FAM107B: variants seen among roughly 807,000 people sequenced by gnomAD.
The protein encoded by FAM107B is protein FAM107B.
A neutral mutation model predicts 31.5 loss-of-function variants in FAM107B; 21 were observed. The observed-to-expected ratio is 0.67, with a 90% CI of 0.47 to 0.96. FAM107B has a LOEUF of 0.96. Ranked by LOEUF, FAM107B falls within the 40% of genes least tolerant of loss-of-function variation. The pLI is 0.00. For synonymous variants in FAM107B, 157 were observed against 141.5 expected (o/e 1.11, Z -0.78); for missense variants, 452 against 377.1 (o/e 1.20, Z -1.64).
At chr10:14,595,716 G>C (rs1852168478) in intron 2 of FAM107B, among the ~76,000 whole-genome samples, 1 of 152,090 alleles carries the variant, frequency 6.6e-6, no homozygotes, top group Admixed American at 6.6e-5. Context: ...TAAGTCCAGA[G>C]GCTGATGTGA....
intron 2 of FAM107B, among the ~76,000 whole-genome samples, chr10:14,608,198 A>C (rs544998909): frequency 9.2e-5 from 14 of 152,336 alleles, no homozygotes; most frequent in African/African-American, 3.4e-4. Context: ...TCAAGGAGGG[A>C]AATTTGTTTT....
At chr10:14,768,378 C>A (rs756501755) in intron 1 of FAM107B, among the ~76,000 whole-genome samples, 2 of 152,194 alleles carry the variant, frequency 1.3e-5, no homozygotes, top group Non-Finnish European at 2.9e-5. Context: ...GGAAGTCTCA[C>A]ACTTTGAGAT....
chr10:14,671,903 ACCCTCTATTTCTTTTT>A (rs1564621073), intron 1 of FAM107B, among the ~76,000 whole-genome samples: 23 of 145,792 alleles, frequency 1.6e-4, no homozygotes, highest in African/African-American at 5.8e-4. Context: ...CAAAAAAAAA[ACCCTCTATTTCTTTTT>A]AAATCAAACT....
At chr10:14,588,543 T>C (rs763137432) in intron 2 of FAM107B, among the ~76,000 whole-genome samples, 4 of 152,104 alleles carry the variant, frequency 2.6e-5, no homozygotes, top group Non-Finnish European at 5.9e-5. Context: ...GTGGGTCCCA[T>C]AAACCCCCGG....
intron 2 of FAM107B, among the ~76,000 whole-genome samples, chr10:14,603,145 T>C (rs1403900812): frequency 1.3e-5 from 2 of 152,222 alleles, no homozygotes; most frequent in African/African-American, 4.8e-5. Flanking sequence ...ATTTTTTAAT[T>C]AATATATAAA....
At chr10:14,540,367 C>G (rs1848058035) in intron 2 of FAM107B, among the ~76,000 whole-genome samples, 1 of 152,206 alleles carries the variant, frequency 6.6e-6, no homozygotes, top group Non-Finnish European at 1.5e-5. Context: ...TGTCATCCTT[C>G]AAATATTCAC....
chr10:14,616,977 A>G (rs1852870691), intron 2 of FAM107B, among the ~76,000 whole-genome samples: 1 of 152,068 alleles, frequency 6.6e-6, no homozygotes, highest in Non-Finnish European at 1.5e-5. Flanking sequence ...AAAAATAAAA[A>G]TAAGGCAGGC....
At chr10:14,745,625 T>C (rs1832711322) in intron 1 of FAM107B, among the ~76,000 whole-genome samples, 1 of 152,202 alleles carries the variant, frequency 6.6e-6, no homozygotes, top group Admixed American at 6.5e-5. Flanking sequence ...GTGAGTTTCT[T>C]AATCTTGAGT....
chr10:14,598,659 C>T (rs1031419618), intron 2 of FAM107B, among the ~76,000 whole-genome samples: 2 of 152,200 alleles, frequency 1.3e-5, no homozygotes, highest in South Asian at 4.1e-4. Context: ...CAATAAAACA[C>T]CGTACGCTTA....
chr10:14,737,712 C>A (rs1199807961), intron 1 of FAM107B, among the ~76,000 whole-genome samples: 1 of 151,310 alleles, frequency 6.6e-6, no homozygotes, highest in Non-Finnish European at 1.5e-5. Context: ...GAGAGGTTTC[C>A]CTGAAAACGT....
At chr10:14,705,290 G>A (rs1855494594) in intron 1 of FAM107B, among the ~76,000 whole-genome samples, 1 of 152,146 alleles carries the variant, frequency 6.6e-6, no homozygotes, top group South Asian at 2.1e-4. Flanking sequence ...AGGTGCTATA[G>A]AAAACAGTAC....
chr10:14,710,003 A>T (rs559263438), intron 1 of FAM107B, among the ~76,000 whole-genome samples: 1 of 152,212 alleles, frequency 6.6e-6, no homozygotes, highest in Non-Finnish European at 1.5e-5. Context: ...AATGGTAGAT[A>T]CATATAGTTA....
chr10:14,546,051 G>T (rs1019490710), intron 2 of FAM107B, among the ~76,000 whole-genome samples: 4 of 152,200 alleles, frequency 2.6e-5, no homozygotes, highest in African/African-American at 9.7e-5. Context: ...TTTATGACCT[G>T]GCCCAACTGG....
At chr10:14,729,539 C>T (rs1482078557) in intron 1 of FAM107B, among the ~76,000 whole-genome samples, 1 of 152,036 alleles carries the variant, frequency 6.6e-6, no homozygotes, top group Non-Finnish European at 1.5e-5. Flanking sequence ...GGGATCAACA[C>T]AGTGGCATAG....
chr10:14,551,080 G>A (rs1849218867), intron 2 of FAM107B, among the ~76,000 whole-genome samples: 3 of 152,170 alleles, frequency 2.0e-5, no homozygotes, highest in South Asian at 4.1e-4. Context: ...GTAGCACAAA[G>A]GCCATGAAAA....
intron 1 of FAM107B, among the ~76,000 whole-genome samples, chr10:14,766,069 A>C (rs1403694712): frequency 1.3e-5 from 2 of 152,212 alleles, no homozygotes; most frequent in Non-Finnish European, 2.9e-5. Flanking sequence ...CAAGACATTG[A>C]AATAAAAATC....
chr10:14,640,624 G>GT, intron 2 of FAM107B, among the ~76,000 whole-genome samples: 1 of 152,256 alleles, frequency 6.6e-6, no homozygotes, highest in Non-Finnish European at 1.5e-5. Flanking sequence ...TTTTCTTTCT[G>GT]TCTACTGGAT....
At chr10:14,734,049 T>C (rs1229253296) in intron 1 of FAM107B, among the ~76,000 whole-genome samples, 1 of 152,112 alleles carries the variant, frequency 6.6e-6, no homozygotes, top group African/African-American at 2.4e-5. Context: ...CTACATAAAC[T>C]TGGGACTAGA....
At chr10:14,629,400 TATATATTTAATATATA>T (rs1853273342) in intron 2 of FAM107B, among the ~76,000 whole-genome samples, 1 of 41,322 alleles carries the variant, frequency 2.4e-5, no homozygotes, top group Admixed American at 4.3e-4. Flanking sequence ...TAATATATAT[TATATATTTAATATATA>T]TAATATATAT....
Sources: allele counts gnomAD v4.1 joint callset (sites outside exome capture counted in the v4.1 genomes callset), GRCh38; gene constraint gnomAD v4.1.1; transcripts MANE v1.5; gene names NCBI Gene and HGNC (gene_info 2026-07-23, HGNC 2026-07-21).